Variants in COLEC11 observed in about 807,000 individuals in gnomAD.
COLEC11 encodes collectin subfamily member 11, also known as collectin-11.
Under a neutral mutation model 27.3 loss-of-function variants are expected in COLEC11, and 20 were observed. The observed-to-expected ratio is 0.73, with a 90% CI of 0.51 to 1.06. The LOEUF (loss-of-function observed/expected upper bound fraction) is 1.06, where lower values mean the gene tolerates loss of function less well. Among genes scored for constraint, COLEC11 ranks in the 50% least tolerant of loss-of-function variants. The probability of loss-of-function intolerance (pLI) is 0.00; values close to 1 mark genes in which losing one functional copy is unlikely to be tolerated. For synonymous variants in COLEC11, 163 were observed against 154.7 expected (o/e 1.05, Z -0.40); for missense variants, 310 against 383.0 (o/e 0.81, Z 1.59).
chr2:3,618,751 A>G (rs1201640724), intron 3 of COLEC11, among the ~76,000 whole-genome samples: 7 of 152,192 alleles, frequency 4.6e-5, no homozygotes. Flanking sequence ...GATTGCACTG[A>G]ATCTGTAGAT....
chr2:3,637,381 C>T (rs1245874171), intron 3 of COLEC11, 152 bp from the exon 4 acceptor site: 1 of 712,030 alleles, frequency 1.4e-6, no homozygotes, highest in Non-Finnish European at 2.6e-6. Flanking sequence ...CATACGTGAC[C>T]TTGAAGAGAT....
chr2:3,600,866 TTGTG>T (rs1408670072), intron 1 of COLEC11, among the ~76,000 whole-genome samples: 1 of 152,214 alleles, frequency 6.6e-6, no homozygotes. Flanking sequence ...GGTACTGCTT[TTGTG>T]TGTATCTGAC....
chr2:3,620,309 C>G (rs1208937825), intron 3 of COLEC11, among the ~76,000 whole-genome samples: 2 of 151,868 alleles, frequency 1.3e-5, no homozygotes, highest in Non-Finnish European at 2.9e-5. Flanking sequence ...AGGAATTTAT[C>G]CATTTCTTCT....
At chr2:3,617,613 G>A in intron 3 of COLEC11, 1 of 1,611,996 alleles carries the variant, frequency 6.2e-7, no homozygotes, top group Non-Finnish European at 8.5e-7. Context: ...TTTTTCTCTT[G>A]AGTCTCTGTC....
chr2:3,641,118 C>T, intron 5 of COLEC11: 1 of 724,432 alleles, frequency 1.4e-6, no homozygotes, highest in Non-Finnish European at 2.1e-6. Context: ...GACACCCACC[C>T]ACCATGTAGA....
intron 4 of COLEC11, 130 bp from the exon 5 acceptor site, chr2:3,640,148 G>C (rs1000668677): frequency 5.6e-6 from 4 of 712,046 alleles, no homozygotes; most frequent in Non-Finnish European, 1.0e-5. Flanking sequence ...ATGGGGCTCC[G>C]GTACTTTGTA....
At chr2:3,629,905 T>TACATATATC (rs1664849031) in intron 3 of COLEC11, among the ~76,000 whole-genome samples, 1 of 152,244 alleles carries the variant, frequency 6.6e-6, no homozygotes, top group Admixed American at 6.5e-5. Context: ...GTAAGTTTTA[T>TACATATATC]GTATGTGTAT....
intron 3 of COLEC11, among the ~76,000 whole-genome samples, chr2:3,633,160 A>G (rs1665136545): frequency 1.3e-5 from 2 of 152,264 alleles, no homozygotes; most frequent in South Asian, 4.1e-4. Context: ...TCCCTGGAGG[A>G]CGAGGCCAGG....
In COLEC11 at chr2:3,598,430, T is replaced by TA. The variant is rs564107442; in HGVS notation, c.-27+3262_-27+3263insA. 9.8e-5 allele frequency among the ~76,000 whole-genome samples: 15 copies of TA among 152,352 alleles called. No homozygotes were observed. The South Asian group carries it at 2.9e-3, about 30-fold the overall frequency. On this transcript the variant is annotated intron_variant, in intron 1 of 6. Coordinates refer to ENST00000349077, the MANE Select transcript of COLEC11 (RefSeq NM_024027.5). ...AACTTTCGTTCTGTTGTTTGTTCCT[T>TA]TATTTACTCATTCACTTGTTCACTC...
intron 3 of COLEC11, chr2:3,617,445 G>C (rs1663846089): frequency 8.2e-7 from 1 of 1,216,432 alleles, no homozygotes; most frequent in South Asian, 1.2e-5. Flanking sequence ...ATTTAAACTT[G>C]ATCCAATCTC....
intron 1 of COLEC11, among the ~76,000 whole-genome samples, chr2:3,600,776 A>T (rs1662160721): frequency 6.6e-6 from 1 of 152,244 alleles, no homozygotes; most frequent in African/African-American, 2.4e-5. Context: ...CTCCTAATGA[A>T]CTAGAAAGTG....
intron 3 of COLEC11, among the ~76,000 whole-genome samples, chr2:3,630,851 T>C (rs969652958): frequency 6.6e-6 from 1 of 152,234 alleles, no homozygotes; most frequent in Non-Finnish European, 1.5e-5. Context: ...TCGGCCAGTC[T>C]GCTTTGCTTT....
chr2:3,643,821 CG>C lies in COLEC11; in HGVS notation c.524del (p.Gly175AlafsTer3). 1 of 1,613,488 alleles carries C rather than the reference CG, an allele frequency of 6.2e-7. No individual in the cohort carries two copies. On this transcript the variant is annotated frameshift_variant, in exon 7 of 7. Coordinates refer to ENST00000349077, the MANE Select transcript of COLEC11 (RefSeq NM_024027.5). LOFTEE classifies it high-confidence loss of function. ...ADAQLSCQGR[G>X]GTLSMPKDEA... ...ACGCCCAGCTGTCCTGCCAGGGCCGCGGGGGCACGCTGAGCATGCCCAAGGA... is the reference window on the plus strand; with the variant it reads ...ACGCCCAGCTGTCCTGCCAGGGCCGCGGGGCACGCTGAGCATGCCCAAGGA...
At chr2:3,631,750 G>C (rs1366675426) in intron 3 of COLEC11, among the ~76,000 whole-genome samples, 1 of 151,770 alleles carries the variant, frequency 6.6e-6, no homozygotes, top group Non-Finnish European at 1.5e-5. Context: ...CTCGGAGGGG[G>C]CTCTGCTCGG....
Position 3,618,826 on chromosome 2 carries a change from CATTT to C in COLEC11, c.202+5449_202+5452del, listed in dbSNP as rs1390567885. On this transcript the variant is annotated intron_variant, in intron 3 of 6. Coordinates refer to ENST00000349077, the MANE Select transcript of COLEC11 (RefSeq NM_024027.5). Reference sequence around the variant, plus strand: ...TTGATCCACGAACAGATATTTTTTCCATTTATTTGTGTCTTCAATGTTTCATAGT... The same window carrying C: ...TTGATCCACGAACAGATATTTTTTCCATTTGTGTCTTCAATGTTTCATAGT... Among the ~76,000 whole-genome samples the C allele has an allele frequency of 2.0e-5, 3 of 151,892 alleles. No homozygotes were observed. In the South Asian group the frequency reaches 6.2e-4, roughly 32 times the overall value.
intron 3 of COLEC11, among the ~76,000 whole-genome samples, chr2:3,621,176 A>G (rs1664161302): frequency 6.6e-6 from 1 of 152,186 alleles, no homozygotes; most frequent in Admixed American, 6.5e-5. Context: ...AGATCTGTTA[A>G]TATTTGCTTT....
intron 3 of COLEC11, among the ~76,000 whole-genome samples, chr2:3,626,994 A>G (rs1664603209): frequency 6.6e-6 from 1 of 152,214 alleles, no homozygotes; most frequent in Non-Finnish European, 1.5e-5. Flanking sequence ...CCCCTGGCCC[A>G]CTGGCTCTTC....
At chr2:3,610,395 C>G (rs1271068330) in intron 2 of COLEC11, among the ~76,000 whole-genome samples, 3 of 152,172 alleles carry the variant, frequency 2.0e-5, no homozygotes, top group Non-Finnish European at 4.4e-5. Context: ...TCCTGGTGCT[C>G]TGGGGGACCG....
intron 3 of COLEC11, among the ~76,000 whole-genome samples, chr2:3,634,731 A>T (rs1665258472): frequency 6.6e-6 from 1 of 152,048 alleles, no homozygotes; most frequent in South Asian, 2.1e-4. Flanking sequence ...CTGGACTCAC[A>T]GGCTGCCGTG....
Sources: allele counts gnomAD v4.1 joint callset (sites outside exome capture counted in the v4.1 genomes callset), GRCh38; gene constraint gnomAD v4.1.1; transcripts MANE v1.5; gene names NCBI Gene and HGNC (gene_info 2026-07-23, HGNC 2026-07-21).